The following DPP8 variants were observed in gnomAD, a reference collection of about 807,000 sequenced individuals.
The protein encoded by DPP8 is dipeptidyl peptidase 8.
A neutral mutation model predicts 107.5 loss-of-function variants in DPP8; 31 were observed. That is an observed-to-expected ratio of 0.29 (90% CI 0.22 to 0.39). The LOEUF (loss-of-function observed/expected upper bound fraction) is 0.39, where lower values mean the gene tolerates loss of function less well. Among genes scored for constraint, DPP8 ranks in the 10% least tolerant of loss-of-function variants. DPP8 has a pLI of 1.00. For synonymous variants in DPP8, 381 were observed against 356.6 expected (o/e 1.07, Z -0.77); for missense variants, 842 against 1,076.1 (o/e 0.78, Z 3.04).
At chr15:65,474,079 T>C in intron 12 of DPP8, 130 bp downstream of exon 12, 1 of 685,510 alleles carries the variant, frequency 1.5e-6, no homozygotes, top group South Asian at 1.7e-5. Flanking sequence ...ACTCCAGCCC[T>C]AGGCGACAGA....
In DPP8 at chr15:65,475,301, G is replaced by C. The variant is rs141784668; in HGVS notation, c.1457-1013C>G. 59 of 753,138 alleles carry C rather than the reference G, an allele frequency of 7.8e-5. No individual in the cohort carries two copies. The African/African-American group carries it at 9.6e-4, about 12-fold the overall frequency. 46.7% of individuals were successfully genotyped at this position (753,138 alleles called of 1,614,324 possible). A position where few individuals can be genotyped will look rare whatever the true frequency, so the allele number is the denominator to read the frequency against. On this transcript the variant is annotated intron_variant, in intron 11 of 19. Coordinates refer to ENST00000300141, the MANE Select transcript of DPP8 (RefSeq NM_130434.5). ...CCAAATACCTCTATTCCACCCCAGT[G>C]GTAGGTGGAAGTTGGGTCAGCTGCT...
chr15:65,456,106 A>C, intron 16 of DPP8, 119 bp downstream of exon 16: 3 of 1,111,754 alleles, frequency 2.7e-6, no homozygotes, highest in Non-Finnish European at 2.5e-6. Flanking sequence ...TCTAACACAT[A>C]CACTCTCACT....
chr15:65,505,468 G>A lies in DPP8; in HGVS notation c.372+1775C>T, dbSNP rs73480784. On this transcript the variant is annotated intron_variant, in intron 3 of 19. Transcript: ENST00000300141. ...TTAATCCTTGTTGAAAATATTTCAC[G>A]TTATTCCACTTTTGTATGCTTTAAA... 8.4e-3 allele frequency among the ~76,000 whole-genome samples: 1,283 copies of A among 152,156 alleles called. 23 individuals carry two copies. The highest frequency in any genetic ancestry group is 0.03 in the African/African-American group (1,236 of 41,500).
intron 2 of DPP8, among the ~76,000 whole-genome samples, chr15:65,509,184 G>A (rs2141084469): frequency 6.6e-6 from 1 of 152,240 alleles, no homozygotes; most frequent in South Asian, 2.1e-4. Flanking sequence ...CTACTTTGTA[G>A]ATTCCCAAGT....
chr15:65,513,854 A>G (rs1224704296), intron 1 of DPP8, among the ~76,000 whole-genome samples: 2 of 152,242 alleles, frequency 1.3e-5, no homozygotes, highest in African/African-American at 4.8e-5. Context: ...ACCAGTGTGT[A>G]TTCCAACATA....
intron 7 of DPP8, among the ~76,000 whole-genome samples, chr15:65,485,860 G>A (rs8041353): frequency 4.8e-4 from 73 of 152,038 alleles, no homozygotes; most frequent in African/African-American, 1.6e-3. Context: ...TTGGGAGGCC[G>A]AGGCAGGTGG....
At chr15:65,466,901 G>A (rs557104790) in intron 13 of DPP8, 88 bp from the exon 14 acceptor site, 14 of 1,425,346 alleles carry the variant, frequency 9.8e-6, no homozygotes, top group South Asian at 5.1e-5. Context: ...TATAGCAAGA[G>A]TATTATAAGA....
At chr15:65,514,665 C>T (rs772369739) in intron 1 of DPP8, among the ~76,000 whole-genome samples, 2 of 152,134 alleles carry the variant, frequency 1.3e-5, no homozygotes, top group East Asian at 3.9e-4. Flanking sequence ...CACCCGCCAT[C>T]GTGCCCAGTT....
intron 3 of DPP8, among the ~76,000 whole-genome samples, chr15:65,503,606 CCTGA>C (rs887667640): frequency 8.3e-4 from 126 of 151,346 alleles, no homozygotes; most frequent in African/African-American, 2.9e-3. Context: ...CACCGCCCTA[CCTGA>C]CTAATTTTTA....
At chr15:65,479,271 G>A (rs529766126) in intron 10 of DPP8, among the ~76,000 whole-genome samples, 3 of 151,974 alleles carry the variant, frequency 2.0e-5, no homozygotes, top group Non-Finnish European at 4.4e-5. Flanking sequence ...GAGTAAAAAA[G>A]AAAAATATGA....
rs771911619 is a variant in DPP8, at chr15:65,479,013, G to A, written c.1323C>T (p.Pro441=). Residue 441 remains proline, a synonymous_variant, in exon 11 of 20, where the codon CCC becomes CCT. Coordinates refer to ENST00000300141, the MANE Select transcript of DPP8 (RefSeq NM_130434.5). ...INIHDIFHVF[P]QSHEEEIEFI... ...ACTCAATTTCCTCTTCGTGACTTTG[G>A]GGAAAAACATGAAAGATGTCATGGA... 2 of 1,579,828 alleles carry A rather than the reference G, an allele frequency of 1.3e-6. No individual in the cohort carries two copies. The highest frequency in any genetic ancestry group is 8.6e-7 in the Non-Finnish European group (1 of 1,167,050).
intron 19 of DPP8, among the ~76,000 whole-genome samples, chr15:65,450,566 G>C (rs899021079): frequency 2.0e-5 from 3 of 152,152 alleles, no homozygotes; most frequent in African/African-American, 7.2e-5. Flanking sequence ...GAGCAATGGA[G>C]GAGAGTAACT....
At chr15:65,514,053 A>G (rs2071133216) in intron 1 of DPP8, among the ~76,000 whole-genome samples, 1 of 152,240 alleles carries the variant, frequency 6.6e-6, no homozygotes, top group African/African-American at 2.4e-5. Flanking sequence ...CCCAAATTTG[A>G]AGGCTAACAT....
chr15:65,498,144 G>A (rs907684883), intron 4 of DPP8, 112 bp from the exon 5 acceptor site: 20 of 814,656 alleles, frequency 2.5e-5, no homozygotes, highest in Middle Eastern at 3.6e-4. Flanking sequence ...CAATGAGGCC[G>A]GGCGTGGTGA....
intron 2 of DPP8, among the ~76,000 whole-genome samples, chr15:65,510,541 T>TC (rs946457705): frequency 3.3e-5 from 5 of 151,714 alleles, no homozygotes; most frequent in African/African-American, 9.7e-5. Flanking sequence ...CAAATGGCTT[T>TC]TTTTTTTCTT....
intron 4 of DPP8, among the ~76,000 whole-genome samples, chr15:65,498,330 G>A (rs1157598762): frequency 6.6e-6 from 1 of 152,044 alleles, no homozygotes; most frequent in African/African-American, 2.4e-5. Context: ...GCTGAGGCAG[G>A]AGAATTGCTT....
chr15:65,447,339 GT>G (rs2063551988), intron 19 of DPP8, among the ~76,000 whole-genome samples: 3 of 152,150 alleles, frequency 2.0e-5, no homozygotes, highest in African/African-American at 7.2e-5. Flanking sequence ...GCCTTTACTT[GT>G]TGTGCCAGCA....
At chr15:65,500,494 T>C (rs2069103312) in intron 4 of DPP8, 112 bp downstream of exon 4, 2 of 766,156 alleles carry the variant, frequency 2.6e-6, no homozygotes, top group Non-Finnish European at 2.1e-6. Context: ...TAAATTTCTT[T>C]GTTGGTGGGT....
chr15:65,513,197 G>A (rs2071019054), intron 1 of DPP8, among the ~76,000 whole-genome samples: 1 of 151,342 alleles, frequency 6.6e-6, no homozygotes, highest in South Asian at 2.1e-4. Flanking sequence ...TCACTATCAT[G>A]ATCATTTGTG....
Sources: allele counts gnomAD v4.1 joint callset (sites outside exome capture counted in the v4.1 genomes callset), GRCh38; gene constraint gnomAD v4.1.1; transcripts MANE v1.5; gene names NCBI Gene and HGNC (gene_info 2026-07-23, HGNC 2026-07-21).